The following GALNT13 variants were observed in gnomAD, a reference collection of about 807,000 sequenced individuals.
GALNT13 encodes polypeptide N-acetylgalactosaminyltransferase 13.
A neutral mutation model predicts 64.2 loss-of-function variants in GALNT13; 28 were observed. The ratio of observed to expected loss-of-function variants is 0.44; its 90% confidence interval spans 0.32 to 0.60. The LOEUF (loss-of-function observed/expected upper bound fraction) is 0.60. GALNT13 is among the 20% of genes least tolerant of loss of function. GALNT13 has a pLI of 0.05. For missense variants in GALNT13, 577 were observed against 669.8 expected (o/e 0.86, Z 1.53); for synonymous variants, 214 against 224.6 (o/e 0.95, Z 0.42).
intron 3 of GALNT13, among the ~76,000 whole-genome samples, chr2:154,071,245 T>A (rs550705495): frequency 6.6e-6 from 1 of 152,172 alleles, no homozygotes; most frequent in Non-Finnish European, 1.5e-5. Flanking sequence ...TCCTGAAAAC[T>A]AGCATAACTG....
At chr2:154,205,191 A>G (rs376294437) in intron 4 of GALNT13, among the ~76,000 whole-genome samples, 1 of 152,224 alleles carries the variant, frequency 6.6e-6, no homozygotes, top group East Asian at 1.9e-4. Context: ...AAATAACTGT[A>G]CTTATTTATC....
the GALNT13 span, among the ~76,000 whole-genome samples, chr2:153,388,347 A>G: frequency 6.6e-6 from 1 of 152,048 alleles, no homozygotes. Context: ...AGAAGAAATA[A>G]AGAGAGTAAA....
the GALNT13 span, among the ~76,000 whole-genome samples, chr2:153,349,022 A>G: frequency 6.6e-6 from 1 of 152,196 alleles, no homozygotes; most frequent in Admixed American, 6.5e-5. Context: ...CAAGTTTTTC[A>G]GGCCACCATT....
the GALNT13 span, among the ~76,000 whole-genome samples, chr2:153,149,958 A>G: frequency 6.6e-6 from 1 of 151,830 alleles, no homozygotes; most frequent in East Asian, 1.9e-4. Flanking sequence ...CTTTGAGGCT[A>G]TAGACAACTT....
At chr2:153,982,534 A>G (rs961156998) in intron 3 of GALNT13, among the ~76,000 whole-genome samples, 13 of 152,076 alleles carry the variant, frequency 8.5e-5, no homozygotes, top group Non-Finnish European at 1.8e-4. Flanking sequence ...AAGGGAAAAT[A>G]GTGACAGAGA....
the GALNT13 span, among the ~76,000 whole-genome samples, chr2:153,732,780 G>C: frequency 7.2e-5 from 11 of 152,040 alleles, no homozygotes; most frequent in African/African-American, 2.7e-4. Flanking sequence ...TAACAAGTTG[G>C]AAGACTTTGG....
At chr2:153,453,136 T>G in the GALNT13 span, among the ~76,000 whole-genome samples, 1 of 152,220 alleles carries the variant, frequency 6.6e-6, no homozygotes, top group South Asian at 2.1e-4. Flanking sequence ...ATTAAAGATT[T>G]AAATGTAAGA....
chr2:154,188,540 A>C (rs1320285651), intron 4 of GALNT13, among the ~76,000 whole-genome samples: 2 of 152,228 alleles, frequency 1.3e-5, no homozygotes, highest in Admixed American at 6.5e-5. Context: ...GAGCCTAGCA[A>C]AGCTTTGCAT....
the GALNT13 span, among the ~76,000 whole-genome samples, chr2:153,666,759 T>C: frequency 6.6e-6 from 1 of 151,988 alleles, no homozygotes; most frequent in Non-Finnish European, 1.5e-5. Context: ...AAAGCCAGAG[T>C]GTCTCCTTAC....
At chr2:154,291,661 G>C (rs1186184417) in intron 8 of GALNT13, among the ~76,000 whole-genome samples, 3 of 152,154 alleles carry the variant, frequency 2.0e-5, no homozygotes, top group Non-Finnish European at 4.4e-5. Context: ...TGCAGCCCCA[G>C]CTCCTGCCCG....
chr2:153,399,245 G>A, the GALNT13 span, among the ~76,000 whole-genome samples: 68 of 151,272 alleles, frequency 4.5e-4, no homozygotes, highest in African/African-American at 9.0e-4. Flanking sequence ...GATATGCGGC[G>A]TTATTTCTGA....
intron 10 of GALNT13, among the ~76,000 whole-genome samples, chr2:154,397,417 C>A (rs1476152869): frequency 6.6e-6 from 1 of 152,000 alleles, no homozygotes; most frequent in Non-Finnish European, 1.5e-5. Context: ...CCAGCCTGGG[C>A]GACAGAGTGA....
In GALNT13 at chr2:153,916,773, A is replaced by G. The variant is rs555836169; in HGVS notation, c.-105+15766A>G. ...AGGACGGTGTCTATAAATGACTAAT[A>G]CAGATTGATAGAGTACAAAGGCAAC... is the stretch of plus-strand genomic sequence containing the variant. On this transcript the variant is annotated intron_variant, in intron 2 of 12. Transcript: ENST00000392825. Among the ~76,000 whole-genome samples the G allele has an allele frequency of 1.9e-3, 251 of 129,336 alleles. 1 individual carries two copies. The highest frequency in any genetic ancestry group is 4.4e-3 in the Middle Eastern group (1 of 228). 84.8% of individuals were successfully genotyped at this position (129,336 alleles called of 152,430 possible). A position where few individuals can be genotyped will look rare whatever the true frequency, so the allele number is the denominator to read the frequency against.
chr2:153,277,091 C>T, the GALNT13 span, among the ~76,000 whole-genome samples: 1 of 151,996 alleles, frequency 6.6e-6, no homozygotes, highest in Admixed American at 6.6e-5. Context: ...GGTACATGTG[C>T]TGGTATGGTA....
the GALNT13 span, among the ~76,000 whole-genome samples, chr2:153,512,628 C>T: frequency 7.9e-5 from 12 of 152,128 alleles, no homozygotes; most frequent in Non-Finnish European, 1.5e-4. Context: ...CCTAGGGTTA[C>T]TGTGCAGAGT....
chr2:154,059,489 A>C (rs1055227687), intron 3 of GALNT13, among the ~76,000 whole-genome samples: 3 of 152,322 alleles, frequency 2.0e-5, no homozygotes, highest in Admixed American at 6.5e-5. Context: ...CTGTATCTAC[A>C]TATAAATATT....
At chr2:154,413,560 T>A (rs1699882769) in intron 11 of GALNT13, among the ~76,000 whole-genome samples, 1 of 152,012 alleles carries the variant, frequency 6.6e-6, no homozygotes, top group Non-Finnish European at 1.5e-5. Flanking sequence ...CATCTGGTTT[T>A]CCAGCCTGAT....
chr2:153,099,088 G>A, the GALNT13 span, among the ~76,000 whole-genome samples: 1 of 152,212 alleles, frequency 6.6e-6, no homozygotes, highest in South Asian at 2.1e-4. Context: ...ACTCCAGCCT[G>A]GGCAACAGAG....
At chr2:153,108,647 T>C in the GALNT13 span, among the ~76,000 whole-genome samples, 1 of 152,182 alleles carries the variant, frequency 6.6e-6, no homozygotes, top group Non-Finnish European at 1.5e-5. Flanking sequence ...GGGGATATTC[T>C]CTATTCCTAC....
Sources: gnomAD v4.1 joint callset for allele counts (sites outside exome capture counted in the v4.1 genomes callset) on GRCh38, gnomAD v4.1.1 for gene constraint, MANE v1.5 for transcripts, NCBI Gene and HGNC (gene_info 2026-07-23, HGNC 2026-07-21) for gene names.